Variants in TBCE observed in about 807,000 individuals in gnomAD.
TBCE encodes the protein tubulin-specific chaperone E.
In TBCE, 53 loss-of-function variants were observed where a neutral mutation model predicts 77.0. That is an observed-to-expected ratio of 0.69 (90% CI 0.55 to 0.87). TBCE has a LOEUF of 0.87. Among genes scored for constraint, TBCE ranks in the 40% least tolerant of loss-of-function variants. The probability of loss-of-function intolerance (pLI) is 0.00; values close to 1 mark genes in which losing one functional copy is unlikely to be tolerated. For synonymous variants in TBCE, 235 were observed against 241.3 expected (o/e 0.97, Z 0.24); for missense variants, 624 against 622.4 (o/e 1.00, Z -0.03).
intron 6 of TBCE, 105 bp downstream of exon 6, chr1:235,427,344 G>T (rs778561218): frequency 4.8e-5 from 40 of 826,798 alleles, no homozygotes; most frequent in African/African-American, 1.2e-4. Context: ...AAGGGTTAAG[G>T]CTGCCACCTG....
intron 3 of TBCE, among the ~76,000 whole-genome samples, chr1:235,406,409 T>G (rs561303136): frequency 3.3e-5 from 5 of 152,366 alleles, no homozygotes; most frequent in African/African-American, 1.2e-4. Flanking sequence ...AAAAATAAAA[T>G]GTGCAGATGA....
At chr1:235,448,490 T>C (rs1682628592) in intron 16 of TBCE, 50 bp downstream of exon 16, 1 of 1,551,804 alleles carries the variant, frequency 6.4e-7, no homozygotes, top group South Asian at 1.1e-5. Context: ...AGTCCTCGTA[T>C]TATGACATTA....
At chr1:235,412,142 TTCCCCTCCCCTCCCCTCCCCTTCCCCCC>T (rs1558370510) in intron 3 of TBCE, among the ~76,000 whole-genome samples, 6 of 9,110 alleles carry the variant, frequency 6.6e-4, no homozygotes, top group African/African-American at 4.2e-3. Context: ...TCTCCTCCCC[TTCCCCTCCCCTCCCCTCCCCTTCCCCCC>T]TCCCCTCCCC....
At chr1:235,429,513 T>A (rs1680964002) in intron 6 of TBCE, 2 of 152,186 alleles carry the variant, frequency 1.3e-5, no homozygotes, top group Non-Finnish European at 2.9e-5. Flanking sequence ...GTGATATTAT[T>A]AAAACTGCTT....
intron 3 of TBCE, among the ~76,000 whole-genome samples, chr1:235,412,686 C>G (rs984735063): frequency 6.6e-6 from 1 of 152,172 alleles, no homozygotes; most frequent in African/African-American, 2.4e-5. Context: ...TTTTTGGGAT[C>G]ACAAGTTCCT....
intron 5 of TBCE, among the ~76,000 whole-genome samples, chr1:235,423,374 G>A (rs1222506359): frequency 6.6e-6 from 1 of 152,142 alleles, no homozygotes; most frequent in Non-Finnish European, 1.5e-5. Flanking sequence ...TGGTCTGTGT[G>A]CTCTGTACAG....
At chr1:235,388,659 AAGTC>A (rs1678185453) in intron 2 of TBCE, among the ~76,000 whole-genome samples, 1 of 152,212 alleles carries the variant, frequency 6.6e-6, no homozygotes, top group Non-Finnish European at 1.5e-5. Flanking sequence ...TGTTGTCTGC[AAGTC>A]AGTCAATGTC....
At chr1:235,404,574 A>T (rs1009193364) in intron 3 of TBCE, among the ~76,000 whole-genome samples, 2 of 152,158 alleles carry the variant, frequency 1.3e-5, no homozygotes, top group Admixed American at 6.5e-5. Flanking sequence ...CTTTGGAAAC[A>T]CTGTAGCCTT....
At chr1:235,422,525 A>C (rs1411997101) in intron 5 of TBCE, among the ~76,000 whole-genome samples, 1 of 147,430 alleles carries the variant, frequency 6.8e-6, no homozygotes, top group African/African-American at 2.5e-5. Flanking sequence ...CAAAAAAAAA[A>C]ACCAAAAAAC....
chr1:235,423,473 C>T (rs940231948), intron 5 of TBCE, among the ~76,000 whole-genome samples: 1 of 152,178 alleles, frequency 6.6e-6, no homozygotes, highest in African/African-American at 2.4e-5. Flanking sequence ...AGCAGCCTAA[C>T]AGCCGATTTA....
intron 2 of TBCE, among the ~76,000 whole-genome samples, chr1:235,389,689 A>G (rs971125469): frequency 2.6e-5 from 4 of 152,166 alleles, no homozygotes; most frequent in African/African-American, 9.6e-5. Flanking sequence ...GAAATTGAAC[A>G]CAGATTTAGT....
intron 15 of TBCE, among the ~76,000 whole-genome samples, chr1:235,445,152 T>C (rs1252543642): frequency 6.6e-6 from 1 of 152,258 alleles, no homozygotes. Context: ...CTGAGTCCTA[T>C]ATTCTATAAA....
At chr1:235,421,473 C>T (rs978034535) in intron 5 of TBCE, among the ~76,000 whole-genome samples, 5 of 151,954 alleles carry the variant, frequency 3.3e-5, no homozygotes, top group African/African-American at 9.7e-5. Flanking sequence ...TTTGGGAGGC[C>T]GAGGTGGGCG....
chr1:235,432,403 C>T (rs919321587), intron 7 of TBCE, among the ~76,000 whole-genome samples: 6 of 152,188 alleles, frequency 3.9e-5, no homozygotes, highest in African/African-American at 1.2e-4. Flanking sequence ...TTAATATGCC[C>T]GTGGCCATGG....
intron 15 of TBCE, among the ~76,000 whole-genome samples, chr1:235,446,133 A>G (rs1682255711): frequency 6.6e-6 from 1 of 152,256 alleles, no homozygotes; most frequent in Non-Finnish European, 1.5e-5. Context: ...CCATCATGTC[A>G]TAAAGAAATA....
At chr1:235,431,943 A>G (rs1681124287) in intron 7 of TBCE, among the ~76,000 whole-genome samples, 1 of 150,058 alleles carries the variant, frequency 6.7e-6, no homozygotes, top group East Asian at 2.0e-4. Context: ...AAGTCCTGGG[A>G]TTACAGGCGT....
chr1:235,441,976 AC>A, intron 14 of TBCE, 94 bp downstream of exon 14: 1 of 1,082,526 alleles, frequency 9.2e-7, no homozygotes, highest in East Asian at 2.5e-5. Context: ...CCTCTTAAGT[AC>A]CTAAGTAAAT....
In TBCE at chr1:235,450,569, G is replaced by A. The variant is rs962076526; in HGVS notation, c.*1807G>A. On this transcript the variant is annotated 3_prime_UTR_variant, in exon 17 of 17. Coordinates refer to ENST00000642610, the MANE Select transcript of TBCE (RefSeq NM_003193.5). The stretch of plus-strand genomic sequence containing the variant: ...GGAATACAGAAACAAGGCGGTGTGT[G>A]GATGAAGAGTTAGTCAACAAATGCC... 2.3e-5 allele frequency: 11 copies of A among 487,518 alleles called. No homozygotes were observed. Among genetic ancestry groups the A allele is most frequent in the Non-Finnish European group, 3.7e-5 (10 of 270,926 alleles). The allele number at this position is 487,518 out of a possible 1,614,324, so 30.2% of individuals were successfully genotyped here.
At chr1:235,432,383 C>T (rs986371666) in intron 7 of TBCE, among the ~76,000 whole-genome samples, 1 of 152,194 alleles carries the variant, frequency 6.6e-6, no homozygotes, top group Non-Finnish European at 1.5e-5. Context: ...CAGGTGGGCC[C>T]CTTGTGCCCT....
Sources: allele counts gnomAD v4.1 joint callset (sites outside exome capture counted in the v4.1 genomes callset), GRCh38; gene constraint gnomAD v4.1.1; transcripts MANE v1.5; gene names NCBI Gene and HGNC (gene_info 2026-07-23, HGNC 2026-07-21).